SERPINA6: variants seen among roughly 807,000 people sequenced by gnomAD.
SERPINA6 encodes the protein serpin family A member 6, also known as corticosteroid-binding globulin.
In SERPINA6, 19 loss-of-function variants were observed where a neutral mutation model predicts 26.4. That is an observed-to-expected ratio of 0.72 (90% confidence interval 0.50 to 1.06). The LOEUF (loss-of-function observed/expected upper bound fraction) is 1.06, where lower values mean the gene tolerates loss of function less well. SERPINA6 is among the 50% of genes least tolerant of loss of function. The pLI, the probability that SERPINA6 is intolerant of heterozygous loss-of-function variation, is 0.00. For missense variants in SERPINA6, 473 were observed against 504.0 expected, an observed-to-expected ratio of 0.94 and a Z score of 0.59; for synonymous variants, 196 against 199.4, an observed-to-expected ratio of 0.98 and a Z score of 0.14.
chr14:94,305,105 T>G (rs1003963497), intron 4 of SERPINA6, among the ~76,000 whole-genome samples: 1 of 152,220 alleles, frequency 6.6e-6, no homozygotes, highest in Non-Finnish European at 1.5e-5. Context: ...AACGTCTGCC[T>G]AGCTTGTATC....
Position 94,314,080 on chromosome 14 carries a change from T to G in SERPINA6, c.569A>C (p.Asp190Ala). The G allele has an allele frequency of 6.2e-7, 1 of 1,614,100 alleles. No homozygotes were observed. Among genetic ancestry groups the G allele is most frequent in the East Asian group, 2.2e-5 (1 of 44,880 alleles). Residue 190 changes from aspartate to alanine, a missense_variant, in exon 2 of 5, where the codon GAT becomes GCT. Transcript: ENST00000341584. Reference protein sequence around the residue: ...GKIVDLFSGLDSPAILVLVNY... With the variant: ...GKIVDLFSGLASPAILVLVNY... ...GACCAGGACGAGGATGGCTGGGCTA[T>G]CCAGCCCTGAAAACAAGTCGACAAT...
intron 1 of SERPINA6, among the ~76,000 whole-genome samples, chr14:94,320,505 A>G (rs951056907): frequency 1.3e-5 from 2 of 152,020 alleles, no homozygotes; most frequent in African/African-American, 2.4e-5. Context: ...AATACTGCCT[A>G]CGTTGCTGGG....
intron 1 of SERPINA6, among the ~76,000 whole-genome samples, chr14:94,316,111 T>G (rs183969917): frequency 3.7e-4 from 56 of 152,366 alleles, no homozygotes; most frequent in African/African-American, 5.8e-4. Flanking sequence ...CCTGGTGGTA[T>G]CTTTTTTGAT....
intron 1 of SERPINA6, among the ~76,000 whole-genome samples, chr14:94,316,257 A>G (rs1014069824): frequency 1.1e-4 from 17 of 152,162 alleles, no homozygotes; most frequent in African/African-American, 3.9e-4. Context: ...TTTAAAATCT[A>G]TTGACTCTTG....
intron 2 of SERPINA6, among the ~76,000 whole-genome samples, chr14:94,311,199 G>A (rs1337965448): frequency 1.3e-5 from 2 of 152,162 alleles, no homozygotes; most frequent in African/African-American, 2.4e-5. Context: ...GCAGACACTG[G>A]CCAATGGTAG....
At chr14:94,312,692 C>G (rs1324742624) in intron 2 of SERPINA6, among the ~76,000 whole-genome samples, 1 of 152,212 alleles carries the variant, frequency 6.6e-6, no homozygotes, top group Non-Finnish European at 1.5e-5. Flanking sequence ...TGGGAGTTCC[C>G]AGCCTTGTGC....
intron 2 of SERPINA6, among the ~76,000 whole-genome samples, chr14:94,311,805 G>C (rs912387363): frequency 2.0e-5 from 3 of 152,020 alleles, no homozygotes; most frequent in Non-Finnish European, 4.4e-5. Flanking sequence ...AAAATTAGCC[G>C]GGTGTCATGG....
intron 2 of SERPINA6, among the ~76,000 whole-genome samples, chr14:94,310,713 G>A (rs1432660511): frequency 6.6e-6 from 1 of 152,152 alleles, no homozygotes; most frequent in Non-Finnish European, 1.5e-5. Context: ...CTGCCTGATT[G>A]TCCGCCACCA....
Position 94,314,392 on chromosome 14 carries a change from C to G in SERPINA6, c.257G>C (p.Arg86Pro). 2 of 1,614,146 alleles carry G rather than the reference C, an allele frequency of 1.2e-6. No individual in the cohort carries two copies. Among genetic ancestry groups the G allele is most frequent in the South Asian group, 2.2e-5 (2 of 91,084 alleles). Residue 86 changes from arginine (R) to proline (P), a missense_variant, in exon 2 of 5, where the codon CGG (arginine) becomes CCG (proline). Transcript: ENST00000341584. ...ACCCAGGCCCTGGAGAAGCTGGGCC[C>G]GTGTGTGGCCACAGGTGCCCAGGGA... Reference protein sequence around the residue: ...MLSLGTCGHTRAQLLQGLGFN... With the variant: ...MLSLGTCGHTPAQLLQGLGFN...
intron 1 of SERPINA6, among the ~76,000 whole-genome samples, chr14:94,318,202 C>A (rs538754063): frequency 2.0e-5 from 3 of 152,124 alleles, no homozygotes; most frequent in Non-Finnish European, 4.4e-5. Context: ...GGAAAGACAT[C>A]CTGCATTCAT....
rs550583850 is a variant in SERPINA6, at chr14:94,312,785, G to A, written c.613+1251C>T. On this transcript the variant is annotated intron_variant, in intron 2 of 4. Coordinates refer to ENST00000341584, the MANE Select transcript of SERPINA6 (RefSeq NM_001756.4). ...GGCAGTCCAGGCAGTAAGGAGGTGC[G>A]GGATGGGAGGGGAGGTGGGCACAGT... Among the ~76,000 whole-genome samples, 8 of 152,246 alleles carry A rather than the reference G, an allele frequency of 5.3e-5. 1 individual carries two copies. The highest frequency in any genetic ancestry group is 6.8e-3 in the Middle Eastern group (2 of 294).
At chr14:94,304,649 T>C (rs1451941813) in intron 4 of SERPINA6, 46 bp from the exon 5 acceptor site, 1 of 1,543,774 alleles carries the variant, frequency 6.5e-7, no homozygotes, top group Non-Finnish European at 8.9e-7. Flanking sequence ...TGCTGTGCGT[T>C]CTCGCTTTCC....
rs115650191 is a variant in SERPINA6 at position 94,310,827 on chromosome 14, G to A, written c.614-821C>T. On this transcript the variant is annotated intron_variant, in intron 2 of 4. Coordinates refer to ENST00000341584, the MANE Select transcript of SERPINA6 (RefSeq NM_001756.4). ...ACAGGGTCTCTCTGCTCTAGGTGAC[G>A]TCTCCCCAGTCTTAAAGTGATGACT... Among the ~76,000 whole-genome samples the A allele has an allele frequency of 1.1e-3, 173 of 152,234 alleles. 1 individual carries two copies. The highest frequency in any genetic ancestry group is 3.8e-3 in the African/African-American group (156 of 41,540).
At chr14:94,322,394 C>T (rs1895695761) in intron 1 of SERPINA6, among the ~76,000 whole-genome samples, 2 of 152,242 alleles carry the variant, frequency 1.3e-5, no homozygotes, top group Admixed American at 6.5e-5. Context: ...CCTGTAATTC[C>T]AGCTACTCGG....
intron 1 of SERPINA6, among the ~76,000 whole-genome samples, chr14:94,320,515 G>A (rs1895670281): frequency 6.6e-6 from 1 of 152,172 alleles, no homozygotes; most frequent in Non-Finnish European, 1.5e-5. Flanking sequence ...ACGTTGCTGG[G>A]TGGCACTCTC....
At chr14:94,315,368 A>G (rs1288494613) in intron 1 of SERPINA6, among the ~76,000 whole-genome samples, 1 of 152,172 alleles carries the variant, frequency 6.6e-6, no homozygotes, top group Non-Finnish European at 1.5e-5. Flanking sequence ...CTATGGACTA[A>G]ATGTATTATG....
In SERPINA6 at chr14:94,304,469, G is replaced by A; in HGVS notation, c.1167C>T (p.Asp389=). ...FNQPFIIMIF[D]HFTWSSLFLA... is the part of the protein sequence containing the mutation. ...GGAAAAGGCTGCTCCAGGTGAAGTG[G>A]TCGAAGATCATGATGATGAAGGGCT... Residue 389 remains aspartate, a synonymous_variant, in exon 5 of 5, where the codon GAC becomes GAT. Coordinates refer to ENST00000341584, the MANE Select transcript of SERPINA6 (RefSeq NM_001756.4). 6.2e-7 allele frequency: 1 copy of A among 1,614,220 alleles called. No individual in the cohort carries two copies.
At chr14:94,322,197 G>A (rs1895693266) in intron 1 of SERPINA6, among the ~76,000 whole-genome samples, 2 of 152,196 alleles carry the variant, frequency 1.3e-5, no homozygotes, top group Admixed American at 1.3e-4. Context: ...AAAATGATGA[G>A]TAAAGCAGCT....
intron 2 of SERPINA6, 104 bp from the exon 3 acceptor site, chr14:94,310,110 T>TGAATGG: frequency 8.8e-7 from 1 of 1,137,818 alleles, no homozygotes; most frequent in Non-Finnish European, 1.3e-6. Flanking sequence ...TCTGCATGCT[T>TGAATGG]GGAATGTCCC....
Sources: allele counts gnomAD v4.1 joint callset (sites outside exome capture counted in the v4.1 genomes callset), GRCh38; gene constraint gnomAD v4.1.1; transcripts MANE v1.5; gene names NCBI Gene and HGNC (gene_info 2026-07-23, HGNC 2026-07-21).